The following ADGRL2 variants were observed in gnomAD, a reference collection of about 807,000 sequenced individuals.
ADGRL2 encodes the protein calcium-independent alpha-latrotoxin receptor 2.
A neutral mutation model predicts 157.4 loss-of-function variants in ADGRL2; 44 were observed. That is an observed-to-expected ratio of 0.28 (90% CI 0.22 to 0.36). The LOEUF (loss-of-function observed/expected upper bound fraction) is 0.36, where lower values mean the gene tolerates loss of function less well. Among genes scored for constraint, ADGRL2 ranks in the 10% least tolerant of loss-of-function variants. The probability of loss-of-function intolerance (pLI) is 1.00; values close to 1 mark genes in which losing one functional copy is unlikely to be tolerated. For missense variants in ADGRL2, 1,510 were observed against 1,768.9 expected, an observed-to-expected ratio of 0.85 and a Z score of 2.63; for synonymous variants, 585 against 624.7, an observed-to-expected ratio of 0.94 and a Z score of 0.95.
chr1:81,391,230 A>G (rs560717792), intron 1 of ADGRL2, among the ~76,000 whole-genome samples: 286 of 152,272 alleles, frequency 1.9e-3, no homozygotes, highest in African/African-American at 6.7e-3. Flanking sequence ...GACTGTTGAT[A>G]TAGGAGTGAC....
At chr1:81,502,483 C>T in intron 2 of ADGRL2, 2 of 1,613,900 alleles carry the variant, frequency 1.2e-6, no homozygotes, top group Non-Finnish European at 1.7e-6. Flanking sequence ...AGAGGCGGAC[C>T]CCCATCAACC....
intron 1 of ADGRL2, among the ~76,000 whole-genome samples, chr1:81,347,562 G>A (rs773665776): frequency 2.1e-4 from 32 of 152,148 alleles, no homozygotes; most frequent in Non-Finnish European, 4.0e-4. Context: ...TTTAGCTGAG[G>A]AGATTTCTAA....
At chr1:81,803,294 A>T (rs1031954503) in intron 1 of ADGRL2, among the ~76,000 whole-genome samples, 1 of 152,066 alleles carries the variant, frequency 6.6e-6, no homozygotes, top group Non-Finnish European at 1.5e-5. Context: ...GCGCCCCAGC[A>T]GTGTGGAGGT....
At chr1:81,732,226 C>T (rs2084750085) in intron 1 of ADGRL2, among the ~76,000 whole-genome samples, 1 of 152,040 alleles carries the variant, frequency 6.6e-6, no homozygotes, top group African/African-American at 2.4e-5. Flanking sequence ...TGAGATCCAC[C>T]CCTAGTGCAC....
intron 1 of ADGRL2, among the ~76,000 whole-genome samples, chr1:81,379,245 A>G (rs544716443): frequency 2.6e-5 from 4 of 152,208 alleles, no homozygotes; most frequent in South Asian, 2.1e-4. Flanking sequence ...CCGCTGCTCA[A>G]ACCTCTAGGG....
intron 2 of ADGRL2, among the ~76,000 whole-genome samples, chr1:81,523,456 T>C (rs904092310): frequency 2.0e-5 from 3 of 151,532 alleles, no homozygotes; most frequent in Non-Finnish European, 2.9e-5. Context: ...AGGAGAGAGA[T>C]AGAACAATAA....
chr1:81,795,684 T>C (rs2087550815), upstream of ADGRL2, among the ~76,000 whole-genome samples: 1 of 152,188 alleles, frequency 6.6e-6, no homozygotes, highest in Non-Finnish European at 1.5e-5. Context: ...CAAAGTCATA[T>C]TCGAGAGGCA....
At chr1:81,335,362 A>G (rs1661559881) in intron 1 of ADGRL2, among the ~76,000 whole-genome samples, 1 of 152,178 alleles carries the variant, frequency 6.6e-6, no homozygotes, top group Admixed American at 6.5e-5. Flanking sequence ...CCAGAGCTGT[A>G]TCTTAAATCA....
Position 81,346,012 on chromosome 1 carries a change from T to C in ADGRL2, c.-302+39503T>C, listed in dbSNP as rs139106921. Among the ~76,000 whole-genome samples the C allele has an allele frequency of 5.7e-3, 861 of 152,314 alleles. 10 individuals carry two copies. Among genetic ancestry groups the C allele is most frequent in the African/African-American group, 0.019 (808 of 41,578 alleles). Reference sequence around the variant, plus strand: ...TCACATTTGATTTTCTATGGCAAGATATAGACAGCAATAGCAATACTTTGC... The same window carrying C: ...TCACATTTGATTTTCTATGGCAAGACATAGACAGCAATAGCAATACTTTGC... On this transcript the variant is annotated intron_variant, in intron 1 of 24. Transcript: ENST00000370721.
At chr1:81,658,002 T>C (rs2082571192) in intron 3 of ADGRL2, among the ~76,000 whole-genome samples, 1 of 152,210 alleles carries the variant, frequency 6.6e-6, no homozygotes, top group South Asian at 2.1e-4. Context: ...TGGAGGAATA[T>C]TGTTGACTGG....
intron 1 of ADGRL2, among the ~76,000 whole-genome samples, chr1:81,806,957 G>C (rs981288462): frequency 6.6e-6 from 1 of 151,834 alleles, no homozygotes; most frequent in African/African-American, 2.4e-5. Context: ...GGAGAGATGC[G>C]CATTTGATGT....
chr1:81,986,798 C>T (rs778113910), intron 21 of ADGRL2, 103 bp from the exon 22 acceptor site: 8 of 1,172,596 alleles, frequency 6.8e-6, no homozygotes, highest in African/African-American at 1.6e-5. Context: ...TGTCCACTAC[C>T]CTTGATGAAT....
intron 1 of ADGRL2, among the ~76,000 whole-genome samples, chr1:81,308,593 A>C (rs995782851): frequency 2.6e-5 from 4 of 152,182 alleles, no homozygotes; most frequent in Admixed American, 2.6e-4. Context: ...AAATGCAAAC[A>C]ATGAGACATT....
intron 1 of ADGRL2, among the ~76,000 whole-genome samples, chr1:81,818,349 T>C (rs2090630625): frequency 6.6e-6 from 1 of 152,190 alleles, no homozygotes; most frequent in Non-Finnish European, 1.5e-5. Context: ...ACAGCATTTA[T>C]AATGTCTTGG....
chr1:81,772,951 G>A (rs996123388), intron 2 of ADGRL2, among the ~76,000 whole-genome samples: 12 of 152,032 alleles, frequency 7.9e-5, no homozygotes, highest in African/African-American at 2.9e-4. Flanking sequence ...TATTTGTGTA[G>A]CACATTTTTG....
intron 1 of ADGRL2, among the ~76,000 whole-genome samples, chr1:81,438,187 C>G (rs1163340976): frequency 6.6e-6 from 1 of 152,036 alleles, no homozygotes; most frequent in African/African-American, 2.4e-5. Context: ...AAAATGTACC[C>G]ACCAAAAATG....
intron 2 of ADGRL2, among the ~76,000 whole-genome samples, chr1:81,448,137 C>CTTTTTTTTTTTTTTTTTTTTTTTT (rs1168945231): frequency 6.0e-5 from 5 of 83,500 alleles, no homozygotes; most frequent in Non-Finnish European, 6.3e-5. Context: ...TTCTTTCTTT[C>CTTTTTTTTTTTTTTTTTTTTTTTT]TTTTTTTTTT....
chr1:81,638,139 G>A (rs1252388126), intron 3 of ADGRL2, among the ~76,000 whole-genome samples: 1 of 151,548 alleles, frequency 6.6e-6, no homozygotes, highest in Non-Finnish European at 1.5e-5. Flanking sequence ...AATCTGTAAA[G>A]TAGTGAGAGA....
intron 2 of ADGRL2, among the ~76,000 whole-genome samples, chr1:81,580,486 C>T (rs1002303644): frequency 5.3e-5 from 8 of 151,114 alleles, no homozygotes; most frequent in Non-Finnish European, 8.8e-5. Flanking sequence ...TTTGAACAGG[C>T]GTGATGCTAG....
Sources: allele counts gnomAD v4.1 joint callset (sites outside exome capture counted in the v4.1 genomes callset), GRCh38; gene constraint gnomAD v4.1.1; transcripts MANE v1.5; gene names NCBI Gene and HGNC (gene_info 2026-07-23, HGNC 2026-07-21).